The following CATSPERE variants were observed in gnomAD, a reference collection of about 807,000 sequenced individuals.
CATSPERE encodes the protein cation channel sperm-associated auxiliary subunit epsilon.
CATSPERE carries 93 observed loss-of-function variants against 114.1 expected under a neutral mutation model. The ratio of observed to expected loss-of-function variants is 0.81; its 90% confidence interval spans 0.69 to 0.97. CATSPERE has a LOEUF of 0.97. CATSPERE is among the 50% of genes least tolerant of loss of function. CATSPERE has a pLI of 0.00. For synonymous variants in CATSPERE, 341 were observed against 384.1 expected (o/e 0.89, Z 1.31); for missense variants, 1,058 against 1,131.6 (o/e 0.93, Z 0.93).
intron 8 of CATSPERE, among the ~76,000 whole-genome samples, chr1:244,527,255 C>T (rs780248864): frequency 5.3e-5 from 8 of 152,082 alleles, no homozygotes; most frequent in East Asian, 1.9e-4. Context: ...CAGCTGCAAC[C>T]GTAAAAGAGA....
At chr1:244,571,219 C>A (rs1287112707) in intron 10 of CATSPERE, among the ~76,000 whole-genome samples, 5 of 152,132 alleles carry the variant, frequency 3.3e-5, no homozygotes. Flanking sequence ...AAGTAGAATA[C>A]AATTTATAGT....
chr1:244,498,395 T>A (rs1016762929), intron 6 of CATSPERE, among the ~76,000 whole-genome samples: 1 of 152,164 alleles, frequency 6.6e-6, no homozygotes, highest in African/African-American at 2.4e-5. Context: ...GGGAATTGAG[T>A]GATGGAGTAC....
chr1:244,453,775 A>G (rs1291848260), upstream of CATSPERE, among the ~76,000 whole-genome samples: 1 of 151,814 alleles, frequency 6.6e-6, no homozygotes, highest in Admixed American at 6.6e-5. Flanking sequence ...GGGTGTCTGG[A>G]TTGGTGAGTA....
At chr1:244,501,579 C>A (rs1330578558) in intron 7 of CATSPERE, among the ~76,000 whole-genome samples, 1 of 152,042 alleles carries the variant, frequency 6.6e-6, no homozygotes, top group Admixed American at 6.6e-5. Context: ...GGATACGCAA[C>A]CAATTGTTTC....
At chr1:244,565,204 A>G (rs571418710) in intron 10 of CATSPERE, among the ~76,000 whole-genome samples, 1 of 152,072 alleles carries the variant, frequency 6.6e-6, no homozygotes, top group Non-Finnish European at 1.5e-5. Context: ...TTGGCCTGAA[A>G]TTTTCTTTTT....
intron 8 of CATSPERE, 21 bp from the exon 9 acceptor site, chr1:244,552,301 C>A (rs1660787125): frequency 6.4e-7 from 1 of 1,570,750 alleles, no homozygotes; most frequent in Admixed American, 1.9e-5. Flanking sequence ...TCATTTTATT[C>A]TCTTTTCTTT....
At chr1:244,469,604 C>T (rs577975900) in intron 2 of CATSPERE, among the ~76,000 whole-genome samples, 11 of 152,050 alleles carry the variant, frequency 7.2e-5, no homozygotes, top group Admixed American at 2.0e-4. Context: ...TATTTGCAGA[C>T]GACATGATCC....
At chr1:244,506,258 T>A (rs1674798643) in intron 7 of CATSPERE, among the ~76,000 whole-genome samples, 1 of 152,214 alleles carries the variant, frequency 6.6e-6, no homozygotes, top group African/African-American at 2.4e-5. Context: ...ATCATATATA[T>A]ATAAAATATA....
At position 244,498,539 on chromosome 1, in the gene CATSPERE, G is replaced by A. The variant is rs114871565; in HGVS notation, c.352-463G>A. 6.2e-3 allele frequency among the ~76,000 whole-genome samples: 945 copies of A among 152,264 alleles called. 11 individuals are homozygous for A. Among genetic ancestry groups the A allele is most frequent in the South Asian group, 0.026 (123 of 4,818 alleles). ...AAGTGACAAATGTTAAGTTACAAGC[G>A]TGATTTCATTTTTATAAAAAGTATG... On this transcript the variant is annotated intron_variant, in intron 6 of 21. Transcript: ENST00000366534.
rs567316166 is a variant in CATSPERE at position 244,553,535 on chromosome 1, C to G, written c.1029+721C>G. Among the ~76,000 whole-genome samples the G allele has an allele frequency of 6.3e-5, 9 of 143,126 alleles. No individual in the cohort carries two copies. The Admixed American group carries it at 6.5e-4, about 10-fold the overall frequency. 93.9% of individuals were successfully genotyped at this position (143,126 alleles called of 152,430 possible). On this transcript the variant is annotated intron_variant, in intron 9 of 21. Transcript: ENST00000366534. Reference sequence around the variant, plus strand: ...GGCGGAGCTTGCAGTGAGCCGAGATCGTGCCACTGCACTCCAGCCTGGGCG... The same window carrying G: ...GGCGGAGCTTGCAGTGAGCCGAGATGGTGCCACTGCACTCCAGCCTGGGCG...
At chr1:244,501,531 G>C (rs577768921) in intron 7 of CATSPERE, among the ~76,000 whole-genome samples, 29 of 152,222 alleles carry the variant, frequency 1.9e-4, no homozygotes, top group African/African-American at 6.7e-4. Flanking sequence ...CTATCTCATG[G>C]TAATCAAATT....
At position 244,479,803 on chromosome 1, in the gene CATSPERE, A is replaced by G. The variant is rs1269107174; in HGVS notation, c.326+19A>G. The G allele has an allele frequency of 1.5e-6, 2 of 1,373,494 alleles. No individual in the cohort carries two copies. The highest frequency in any genetic ancestry group is 2.0e-6 in the Non-Finnish European group (2 of 991,562). The allele number at this position is 1,373,494 out of a possible 1,614,324, so 85.1% of individuals were successfully genotyped here. A position where few individuals can be genotyped will look rare whatever the true frequency, so the allele number is the denominator to read the frequency against. On this transcript the variant is annotated intron_variant, in intron 5 of 21. Coordinates refer to ENST00000366534, the MANE Select transcript of CATSPERE (RefSeq NM_001130957.2). ...GAGTTAGGTAAGTAATGCAGTACTG[A>G]ATAGGTAATTATGCTTTTAAAGAGT...
chr1:244,490,410 C>T (rs1212636293), intron 5 of CATSPERE, 37 bp from the exon 6 acceptor site: 2 of 1,441,002 alleles, frequency 1.4e-6, no homozygotes, highest in Non-Finnish European at 1.9e-6. Flanking sequence ...GTTTAACAGG[C>T]TGTTTACTAA....
chr1:244,516,632 C>G (rs3123466), intron 7 of CATSPERE, among the ~76,000 whole-genome samples: 2 of 150,782 alleles, frequency 1.3e-5, no homozygotes, highest in Non-Finnish European at 2.9e-5. Flanking sequence ...AGTGATTCTC[C>G]TGCCTCAGCC....
At chr1:244,462,893 A>C (rs890828849) in intron 1 of CATSPERE, among the ~76,000 whole-genome samples, 1 of 152,190 alleles carries the variant, frequency 6.6e-6, no homozygotes, top group African/African-American at 2.4e-5. Context: ...GGGATGGAGC[A>C]ATTCCAGTTG....
chr1:244,635,359 G>A, intron 20 of CATSPERE, 130 bp from the exon 21 acceptor site: 1 of 642,300 alleles, frequency 1.6e-6, no homozygotes, highest in African/African-American at 1.8e-5. Context: ...TATCCATTCT[G>A]TCCTTTGTCA....
At chr1:244,519,272 G>A (rs1263182022) in intron 8 of CATSPERE, among the ~76,000 whole-genome samples, 1 of 152,142 alleles carries the variant, frequency 6.6e-6, no homozygotes, top group Non-Finnish European at 1.5e-5. Flanking sequence ...CAAAGAGGGT[G>A]CACCAACTCT....
At chr1:244,451,621 C>G (rs548684956), upstream of CATSPERE, 2 of 1,600,722 alleles carry the variant, frequency 1.2e-6, no homozygotes, top group African/African-American at 2.7e-5. The surrounding 1 kb of genome is among the most constrained non-coding windows in gnomAD (Gnocchi z 6.6). Flanking sequence ...CCATGAGAGG[C>G]CCCGTCGCCT....
chr1:244,529,431 T>C (rs1679245619), intron 8 of CATSPERE, among the ~76,000 whole-genome samples: 2 of 152,226 alleles, frequency 1.3e-5, no homozygotes, highest in African/African-American at 4.8e-5. Context: ...GTTGAGCACC[T>C]TTTCATATAC....
Sources: allele counts gnomAD v4.1 joint callset (sites outside exome capture counted in the v4.1 genomes callset), GRCh38; gene constraint gnomAD v4.1.1; non-coding constraint Gnocchi (gnomAD v3.1); transcripts MANE v1.5; gene names NCBI Gene and HGNC (gene_info 2026-07-23, HGNC 2026-07-21).